The following FRMPD3 variants were observed in gnomAD, a reference collection of about 807,000 sequenced individuals.
The protein encoded by FRMPD3 is FERM and PDZ domain containing 3.
FRMPD3 carries 42 observed loss-of-function variants against 97.9 expected under a neutral mutation model. The ratio of observed to expected loss-of-function variants is 0.43; its 90% CI spans 0.34 to 0.55. The LOEUF (loss-of-function observed/expected upper bound fraction) is 0.55. FRMPD3 is among the 20% of genes least tolerant of loss of function. FRMPD3 has a pLI of 0.03. For synonymous variants in FRMPD3, 577 were observed against 581.1 expected (o/e 0.99, Z 0.10); for missense variants, 1,303 against 1,457.7 (o/e 0.89, Z 1.73).
chrX:107,549,979 A>G (rs1216280075), intron 5 of FRMPD3, 70 bp from the exon 6 acceptor site: 4 of 670,541 alleles, frequency 6.0e-6, no homozygotes, highest in Admixed American at 2.7e-5. Flanking sequence ...CCTTTTTCAC[A>G]CCCTTCCTCT....
At chrX:107,521,626 C>T (rs1190760918) in intron 1 of FRMPD3, among the ~76,000 whole-genome samples, 2 of 112,374 alleles carry the variant, frequency 1.8e-5, no homozygotes, top group East Asian at 5.6e-4. Flanking sequence ...ATCTCTGCCA[C>T]CAGGGGAATG....
chrX:107,474,772 A>T (rs1047205405), intron 1 of FRMPD3, among the ~76,000 whole-genome samples: 10 of 111,697 alleles, frequency 9.0e-5, no homozygotes, highest in African/African-American at 3.3e-4. Context: ...ACATTTGCAA[A>T]GTGCCTACTC....
At chrX:107,477,816 C>T (rs1465298064) in intron 1 of FRMPD3, among the ~76,000 whole-genome samples, 2 of 111,843 alleles carry the variant, frequency 1.8e-5, no homozygotes, top group Non-Finnish European at 3.8e-5. Flanking sequence ...AGGAAACCCT[C>T]CAATCTAGGA....
chrX:107,595,709 G>A (rs2147644388), intron 13 of FRMPD3, among the ~76,000 whole-genome samples: 1 of 110,867 alleles, frequency 9.0e-6, no homozygotes, highest in African/African-American at 3.3e-5. Context: ...GGCCAGGGCA[G>A]GTGGATCACT....
At chrX:107,568,911 G>C (rs1922733118) in intron 12 of FRMPD3, among the ~76,000 whole-genome samples, 1 of 88,398 alleles carries the variant, frequency 1.1e-5, no homozygotes, top group African/African-American at 8.0e-5. Context: ...ATGAAAGAGA[G>C]AGAGAGAGAG....
Position 107,574,727 on chromosome X carries a change from TC to T in FRMPD3, c.1297-1585del, listed in dbSNP as rs762981820. ...CAAGTTCTGTCAGGTCTTCATAATG[TC>T]CCTTCCTTTTCACTGGACCAGCCAC... On this transcript the variant is annotated intron_variant, in intron 12 of 14. Transcript: ENST00000683843. Among the ~76,000 whole-genome samples the T allele has an allele frequency of 2.1e-4, 24 of 112,173 alleles. No homozygotes were observed. The South Asian group carries it at 4.1e-3, about 19-fold the overall frequency.
chrX:107,533,667 C>T, intron 4 of FRMPD3, 117 bp downstream of exon 4: 1 of 629,705 alleles, frequency 1.6e-6, no homozygotes, highest in Non-Finnish European at 2.5e-6. Context: ...AACATATGAG[C>T]CAAGGATTTA....
At chrX:107,502,414 G>T (rs1921933358) in intron 1 of FRMPD3, among the ~76,000 whole-genome samples, 1 of 111,288 alleles carries the variant, frequency 9.0e-6, no homozygotes, top group South Asian at 3.9e-4. Context: ...TGTTGCAGGG[G>T]TAATAGCAAG....
intron 1 of FRMPD3, among the ~76,000 whole-genome samples, chrX:107,477,535 A>G (rs1921233153): frequency 1.8e-5 from 2 of 112,684 alleles, no homozygotes; most frequent in South Asian, 7.3e-4. Flanking sequence ...CTTCAGCCCC[A>G]AGCTCCCGGC....
chrX:107,600,909 C>T lies in FRMPD3; in HGVS notation c.2870C>T (p.Ser957Leu), dbSNP rs758110924. ...AGCAGTGTGACCCCTGCCATCATCT[C>T]GGCCGCCCTACAGCAAGTGGTTCAC... is the stretch of plus-strand genomic sequence containing the variant. The part of the protein sequence containing the change: ...PKSSVTPAII[S>L]AALQQVVHNK... The change falls in exon 15 of 15, where the codon TCG becomes TTG. Residue 957 changes from serine to leucine, a missense_variant. Around this residue, in one of 3 missense-constraint regions of FRMPD3, gnomAD observed 764 missense variants for 820.2 expected, o/e 0.93. Coordinates refer to ENST00000683843, the MANE Select transcript of FRMPD3 (RefSeq NM_001388459.1). 5.8e-6 allele frequency: 7 copies of T among 1,209,477 alleles called. No individual in the cohort carries two copies. Among genetic ancestry groups the T allele is most frequent in the Admixed American group, 2.2e-5 (1 of 45,981 alleles).
intron 1 of FRMPD3, among the ~76,000 whole-genome samples, chrX:107,462,571 A>T (rs1454311762): frequency 1.8e-5 from 2 of 112,201 alleles, no homozygotes; most frequent in Non-Finnish European, 3.8e-5. Flanking sequence ...GGGAATGCAC[A>T]TCAAGAGAGG....
intron 1 of FRMPD3, among the ~76,000 whole-genome samples, chrX:107,466,496 C>T (rs1931565702): frequency 8.9e-6 from 1 of 112,435 alleles, no homozygotes; most frequent in African/African-American, 3.2e-5. Context: ...ACTCCCTGTC[C>T]TGCTGCTCTC....
intron 1 of FRMPD3, among the ~76,000 whole-genome samples, chrX:107,450,278 G>A (rs1387814998): frequency 1.8e-5 from 2 of 111,160 alleles, no homozygotes; most frequent in African/African-American, 6.5e-5. Context: ...GGAGTCGAGC[G>A]CAGGGGAGTG....
chrX:107,468,711 T>C (rs1365675189), intron 1 of FRMPD3, among the ~76,000 whole-genome samples: 1 of 112,490 alleles, frequency 8.9e-6, no homozygotes, highest in East Asian at 2.8e-4. Context: ...CAGGAAAAAC[T>C]GGGGAAGACT....
intron 2 of FRMPD3, among the ~76,000 whole-genome samples, chrX:107,528,486 C>T (rs773035916): frequency 4.2e-4 from 47 of 111,742 alleles, no homozygotes; most frequent in Middle Eastern, 4.6e-3. Flanking sequence ...AAGAGACTGA[C>T]ATTTTTGGCA....
chrX:107,545,495 A>G (rs1921543289), intron 4 of FRMPD3: 1 of 325,453 alleles, frequency 3.1e-6, no homozygotes. Flanking sequence ...GGCCTAGAGT[A>G]TTAATAATGG....
At chrX:107,467,537 C>A (rs938618310) in intron 1 of FRMPD3, among the ~76,000 whole-genome samples, 1 of 111,613 alleles carries the variant, frequency 9.0e-6, no homozygotes, top group Non-Finnish European at 1.9e-5. Context: ...CATGGAACAT[C>A]GTGTCTGGCC....
Position 107,568,930 on chromosome X carries a change from G to GGAGA in FRMPD3, c.1296+3883_1296+3886dup, listed in dbSNP as rs1310429776. On this transcript the variant is annotated intron_variant, in intron 12 of 14. Transcript: ENST00000683843. ...AAGAGAGAGAGAGAGAGAGAGAGAG[G>GGAGA]GAGAGAGAGAGAGAGAGAGAGAACC... Among the ~76,000 whole-genome samples the GGAGA allele has an allele frequency of 8.2e-5, 7 of 85,821 alleles. No homozygotes were observed. In the South Asian group the frequency reaches 2.5e-3, roughly 30 times the overall value. The allele number at this position is 85,821 out of a possible 115,157, so 74.5% of individuals were successfully genotyped here.
At position 107,602,003 on chromosome X, in the gene FRMPD3, G is replaced by T. The variant is rs1432831015; in HGVS notation, c.3964G>T (p.Gly1322Trp). ...CCAGACACCAGTGCCCAGCCTCCGG[G>T]GGAGGGAAAGGGACAGAGTCCTCCC... is the stretch of plus-strand genomic sequence containing the variant. ...ATQTPVPSLR[G>W]RERDRVLPSQ... Residue 1322 changes from glycine (G) to tryptophan (W), a missense_variant, in exon 15 of 15, where the codon GGG (glycine) becomes TGG (tryptophan). This residue lies in a region of FRMPD3 where 764 missense variants were observed against 820.2 expected (regional missense o/e 0.93). Transcript: ENST00000683843. The T allele has an allele frequency of 1.7e-6, 2 of 1,166,709 alleles. No homozygotes were observed. The highest frequency in any genetic ancestry group is 3.6e-5 in the African/African-American group (2 of 55,885).
Sources: gnomAD v4.1 joint callset for allele counts (sites outside exome capture counted in the v4.1 genomes callset) on GRCh38, gnomAD v4.1.1 for gene constraint, gnomAD v4.1.1 regional missense constraint, MANE v1.5 for transcripts, NCBI Gene and HGNC (gene_info 2026-07-23, HGNC 2026-07-21) for gene names.